Variants in CUL2 observed in about 807,000 individuals in gnomAD.
CUL2 encodes the protein cullin 2.
CUL2 carries 22 observed loss-of-function variants against 110.2 expected under a neutral mutation model. That is an observed-to-expected ratio of 0.20 (90% CI 0.14 to 0.28). CUL2 has a LOEUF of 0.28. CUL2 is among the 10% of genes least tolerant of loss of function. The pLI is 1.00. For missense variants in CUL2, 631 were observed against 905.5 expected (o/e 0.70, Z 3.89); for synonymous variants, 279 against 293.2 (o/e 0.95, Z 0.49).
At chr10:35,055,749 T>TC (rs2086226461) in intron 4 of CUL2, among the ~76,000 whole-genome samples, 1 of 150,942 alleles carries the variant, frequency 6.6e-6, no homozygotes, top group African/African-American at 2.4e-5. Context: ...CTCTTTTTTT[T>TC]CCCCTTTAAA....
At chr10:35,060,830 AG>A in intron 4 of CUL2, 43 bp downstream of exon 4, 2 of 1,480,690 alleles carry the variant, frequency 1.4e-6, no homozygotes, top group Non-Finnish European at 1.9e-6. Flanking sequence ...TACTGAATGC[AG>A]GCAACGCTGC....
upstream of CUL2, among the ~76,000 whole-genome samples, chr10:35,093,329 A>G (rs1020918219): frequency 5.9e-5 from 9 of 152,056 alleles, no homozygotes; most frequent in African/African-American, 2.2e-4. Context: ...AGTAGCCAAG[A>G]AGAACCCATC....
chr10:35,068,871 A>G (rs1281071807), intron 2 of CUL2, among the ~76,000 whole-genome samples: 17 of 151,976 alleles, frequency 1.1e-4, no homozygotes, highest in Admixed American at 1.1e-3. Context: ...ATAGTCTTTT[A>G]TTTATTTATT....
At chr10:35,019,267 T>C (rs1398889899) in intron 17 of CUL2, among the ~76,000 whole-genome samples, 3 of 152,156 alleles carry the variant, frequency 2.0e-5, no homozygotes, top group Non-Finnish European at 2.9e-5. Flanking sequence ...ATGAGTCTTC[T>C]GCCGTCTTTC....
At chr10:35,110,714 C>A (rs2087514152) in intron 1 of CUL2, among the ~76,000 whole-genome samples, 2 of 152,144 alleles carry the variant, frequency 1.3e-5, no homozygotes, top group Non-Finnish European at 2.9e-5. Flanking sequence ...CAGATTGCCA[C>A]CCTCTTGGTT....
chr10:35,114,817 G>A (rs1307388887), intron 1 of CUL2, among the ~76,000 whole-genome samples: 1 of 39,076 alleles, frequency 2.6e-5, no homozygotes, highest in Non-Finnish European at 4.6e-5. Context: ...GAAAATGCAA[G>A]GTCTGAAATA....
chr10:35,117,794 G>A (rs777334325), intron 1 of CUL2, among the ~76,000 whole-genome samples: 2 of 152,146 alleles, frequency 1.3e-5, no homozygotes, highest in Non-Finnish European at 2.9e-5. Flanking sequence ...AGAAATATGT[G>A]ACCTTGAATT....
chr10:35,104,254 CT>C (rs1248941935), intron 1 of CUL2, among the ~76,000 whole-genome samples: 1 of 152,160 alleles, frequency 6.6e-6, no homozygotes, highest in Non-Finnish European at 1.5e-5. Flanking sequence ...GGAGACCAGC[CT>C]GGGTGACATG....
intron 3 of CUL2, among the ~76,000 whole-genome samples, chr10:35,062,124 G>A (rs559176196): frequency 1.3e-5 from 2 of 152,094 alleles, no homozygotes; most frequent in South Asian, 4.1e-4. Context: ...TTCCTGATTA[G>A]ATCAGTAGTC....
intron 1 of CUL2, chr10:35,074,153 T>G: frequency 6.5e-7 from 1 of 1,530,456 alleles, no homozygotes; most frequent in Non-Finnish European, 8.8e-7. Context: ...GATCAGAATC[T>G]CAGATCTTGC....
intron 6 of CUL2, among the ~76,000 whole-genome samples, chr10:35,045,633 T>G (rs1377638839): frequency 6.6e-6 from 1 of 151,856 alleles, no homozygotes; most frequent in African/African-American, 2.4e-5. Context: ...GAGGATCGTT[T>G]GAGCCCAGGA....
At chr10:35,073,597 CTTTTTCTTTTTCTTTTTTTTTTTG>C (rs2086738925) in intron 1 of CUL2, among the ~76,000 whole-genome samples, 4 of 145,168 alleles carry the variant, frequency 2.8e-5, no homozygotes, top group Admixed American at 6.9e-5. Context: ...TTTTTTTTTT[CTTTTTCTTTTTCTTTTTTTTTTTG>C]AGATGGAGTC....
chr10:35,102,607 T>G (rs12776390), intron 1 of CUL2, among the ~76,000 whole-genome samples: 49,019 of 148,886 alleles, frequency 0.33, 8,041 homozygotes, highest in South Asian at 0.37. Flanking sequence ...TTTAAAGGCC[T>G]GGCACCGTGG....
At chr10:35,081,682 C>T (rs747886885) in intron 1 of CUL2, among the ~76,000 whole-genome samples, 11 of 152,014 alleles carry the variant, frequency 7.2e-5, no homozygotes, top group Non-Finnish European at 1.0e-4. Flanking sequence ...CTGCTTGAGC[C>T]CAGGAGTTCG....
At chr10:35,012,042 G>T in intron 19 of CUL2, 78 bp from the exon 20 acceptor site, 3 of 785,900 alleles carry the variant, frequency 3.8e-6, no homozygotes, top group South Asian at 1.7e-5. Flanking sequence ...TTTTATCAGT[G>T]AGTGCAAATA....
Position 35,031,283 on chromosome 10 carries a change from T to C in CUL2, c.1386+17A>G, listed in dbSNP as rs763362031. The C allele has an allele frequency of 1.3e-6, 2 of 1,504,646 alleles. No individual in the cohort carries two copies. 93.2% of individuals were successfully genotyped at this position (1,504,646 alleles called of 1,614,324 possible). On this transcript the variant is annotated intron_variant, in intron 14 of 20. Coordinates refer to ENST00000374749, the MANE Select transcript of CUL2 (RefSeq NM_003591.4). This position sits in a 1 kb window ranked among gnomAD's most constrained non-coding sequence, Gnocchi z 4.4. ...AATGAATTTCTAGGACAATACCACA[T>C]TAAAGACTTACATTACCTTTAATTT...
rs147470094 is a variant in CUL2 at position 35,033,149 on chromosome 10, A to G, written c.1110+17T>C. On this transcript the variant is annotated intron_variant, in intron 11 of 20. Coordinates refer to ENST00000374749, the MANE Select transcript of CUL2 (RefSeq NM_003591.4). The stretch of plus-strand genomic sequence containing the variant: ...AGTTTTATGTACATATATAGTATAT[A>G]TGTATTTAAAACTTACCTTATCCAA... The G allele has an allele frequency of 4.4e-4, 661 of 1,491,900 alleles. 3 individuals carry two copies. In the African/African-American group the frequency reaches 8.3e-3, roughly 19 times the overall value. 92.4% of individuals were successfully genotyped at this position (1,491,900 alleles called of 1,614,324 possible). A position where few individuals can be genotyped will look rare whatever the true frequency, so the allele number is the denominator to read the frequency against.
intron 1 of CUL2, among the ~76,000 whole-genome samples, chr10:35,071,619 A>G (rs565670752): frequency 3.3e-5 from 5 of 152,330 alleles, no homozygotes; most frequent in East Asian, 3.9e-4. Flanking sequence ...TGTGTTAGCC[A>G]GGATGGTCTT....
chr10:35,026,813 C>A (rs981011695), intron 16 of CUL2, among the ~76,000 whole-genome samples: 3 of 152,042 alleles, frequency 2.0e-5, no homozygotes, highest in African/African-American at 7.2e-5. Flanking sequence ...TATATGTTGA[C>A]TAAACTTATT....
Sources: allele counts gnomAD v4.1 joint callset (sites outside exome capture counted in the v4.1 genomes callset), GRCh38; gene constraint gnomAD v4.1.1; non-coding constraint Gnocchi (gnomAD v3.1); transcripts MANE v1.5; gene names NCBI Gene and HGNC (gene_info 2026-07-23, HGNC 2026-07-21).